The following BCAS3 variants were observed in gnomAD, a reference collection of about 807,000 sequenced individuals.
The protein encoded by BCAS3 is BCAS4/BCAS3 fusion.
Under a neutral mutation model 116.1 loss-of-function variants are expected in BCAS3, and 53 were observed. That is an observed-to-expected ratio of 0.46 (90% CI 0.37 to 0.57). BCAS3 has a LOEUF of 0.57. Among genes scored for constraint, BCAS3 ranks in the 20% least tolerant of loss-of-function variants. BCAS3 has a pLI of 0.00. For synonymous variants in BCAS3, 391 were observed against 408.2 expected, an observed-to-expected ratio of 0.96 and a Z score of 0.51; for missense variants, 917 against 1,165.4, an observed-to-expected ratio of 0.79 and a Z score of 3.10.
chr17:60,735,818 T>A (rs921974415), intron 5 of BCAS3, among the ~76,000 whole-genome samples: 1 of 151,012 alleles, frequency 6.6e-6, no homozygotes, highest in African/African-American at 2.5e-5. Flanking sequence ...TTCTGAGGAG[T>A]TTTTTTCTTT....
rs1055373051 is a variant in BCAS3 at position 61,367,769 on chromosome 17, T to G, written c.2426-558T>G. On this transcript the variant is annotated intron_variant, in intron 22 of 23. Transcript: ENST00000407086. This position sits in a 1 kb window ranked among gnomAD's most constrained non-coding sequence, Gnocchi z 6.2. The stretch of plus-strand genomic sequence containing the variant: ...ATGGTTAAGAAAGCTTTAAAAACAT[T>G]AGGCTATATAACCCCTTCTTTAAAT... 6.6e-6 allele frequency: 1 copy of G among 152,208 alleles called. No individual in the cohort carries two copies. Among genetic ancestry groups the G allele is most frequent in the Admixed American group, 6.5e-5 (1 of 15,280 alleles). The allele number at this position is 152,208 out of a possible 1,614,324, so 9.4% of individuals were successfully genotyped here.
intron 19 of BCAS3, among the ~76,000 whole-genome samples, chr17:61,057,616 T>C (rs2069520328): frequency 6.6e-6 from 1 of 152,146 alleles, no homozygotes; most frequent in African/African-American, 2.4e-5. Flanking sequence ...CCAAGACATG[T>C]TAAAAGAGGA....
chr17:60,958,270 G>A (rs569303297), intron 14 of BCAS3, among the ~76,000 whole-genome samples: 15 of 152,296 alleles, frequency 9.8e-5, no homozygotes, highest in African/African-American at 2.4e-4. Context: ...AAGAACTACC[G>A]TCAGATCAGA....
intron 23 of BCAS3, among the ~76,000 whole-genome samples, chr17:61,375,747 A>G (rs940589414): frequency 1.6e-4 from 25 of 151,788 alleles, no homozygotes; most frequent in African/African-American, 5.8e-4. Context: ...TAATTTTTGA[A>G]TTTTTAGTAG....
intron 14 of BCAS3, among the ~76,000 whole-genome samples, chr17:60,973,017 C>T (rs540766622): frequency 1.3e-5 from 2 of 152,014 alleles, no homozygotes; most frequent in Admixed American, 6.5e-5. Flanking sequence ...TTAGAAAGGG[C>T]GTTGTTATTG....
chr17:60,774,985 T>A (rs539513475), intron 6 of BCAS3, among the ~76,000 whole-genome samples: 5 of 152,334 alleles, frequency 3.3e-5, no homozygotes, highest in Admixed American at 1.3e-4. Flanking sequence ...TTTGCCTTAG[T>A]TCCTTGTTTT....
intron 16 of BCAS3, among the ~76,000 whole-genome samples, chr17:61,018,949 C>T (rs939566994): frequency 9.2e-5 from 14 of 151,916 alleles, no homozygotes; most frequent in African/African-American, 3.4e-4. Context: ...CCTTTTTTCC[C>T]TCACCATCTA....
chr17:60,799,896 G>T lies in BCAS3; in HGVS notation c.404-8108G>T, dbSNP rs532866101. Among the ~76,000 whole-genome samples the T allele has an allele frequency of 2.6e-5, 4 of 151,620 alleles. No homozygotes were observed. In the South Asian group the frequency reaches 8.4e-4, roughly 32 times the overall value. On this transcript the variant is annotated intron_variant, in intron 6 of 23. Coordinates refer to ENST00000407086, the MANE Select transcript of BCAS3 (RefSeq NM_017679.5). The stretch of plus-strand genomic sequence containing the variant: ...GCTTTTTTACTAGTACAGTGCTCTT[G>T]AGGTATATCCAAGTTGTTTAGTCTA...
At chr17:60,831,174 TA>T (rs1247221836) in intron 7 of BCAS3, among the ~76,000 whole-genome samples, 1 of 149,564 alleles carries the variant, frequency 6.7e-6, no homozygotes, top group African/African-American at 2.5e-5. Context: ...TTGATTGAGT[TA>T]TATGTTATGT....
At chr17:60,696,782 G>T (rs1439917902) in intron 4 of BCAS3, among the ~76,000 whole-genome samples, 2 of 152,078 alleles carry the variant, frequency 1.3e-5, no homozygotes, top group East Asian at 3.9e-4. Flanking sequence ...TTACCTTTCA[G>T]GTCATTAAAG....
chr17:61,237,760 T>G (rs2144484969), intron 22 of BCAS3, among the ~76,000 whole-genome samples: 1 of 152,352 alleles, frequency 6.6e-6, no homozygotes, highest in East Asian at 1.9e-4. Context: ...GAGTCACGAT[T>G]GAAATCTGGA....
Position 61,191,178 on chromosome 17 carries a change from A to G in BCAS3, c.2425+106614A>G, listed in dbSNP as rs563930786. 5.3e-5 allele frequency among the ~76,000 whole-genome samples: 8 copies of G among 152,256 alleles called. 1 individual carries two copies. The highest frequency in any genetic ancestry group is 1.9e-4 in the African/African-American group (8 of 41,560). ...CTACTCAGAAGGCTGATGTGGGAGG[A>G]CTGCTTGAGCCCGGGAGGTTGAGAC... is the stretch of plus-strand genomic sequence containing the variant. On this transcript the variant is annotated intron_variant, in intron 22 of 23. Transcript: ENST00000407086.
In BCAS3 at chr17:61,241,847, T is replaced by G. The variant is rs1252785068; in HGVS notation, c.2426-126480T>G. ...TTGTTGAATAAATGTTAAATGTTTCTGAGAAATCTGAGAGCTTTCATAATA... is the reference window on the plus strand; with the variant it reads ...TTGTTGAATAAATGTTAAATGTTTCGGAGAAATCTGAGAGCTTTCATAATA... On this transcript the variant is annotated intron_variant, in intron 22 of 23. Transcript: ENST00000407086. This position sits in a 1 kb window ranked among gnomAD's most constrained non-coding sequence, Gnocchi z 4.6. Among the ~76,000 whole-genome samples the G allele has an allele frequency of 6.6e-6, 1 of 152,284 alleles. No homozygotes were observed. The highest frequency in any genetic ancestry group is 1.5e-5 in the Non-Finnish European group (1 of 68,052).
chr17:61,134,860 G>C lies in BCAS3; in HGVS notation c.2425+50296G>C, dbSNP rs2076534641. On this transcript the variant is annotated intron_variant, in intron 22 of 23. Coordinates refer to ENST00000407086, the MANE Select transcript of BCAS3 (RefSeq NM_017679.5). This position sits in a 1 kb window ranked among gnomAD's most constrained non-coding sequence, Gnocchi z 4.6. ...AACACGGGTTTTAAGATTTCAAATG[G>C]TTAATACTCTACTTTTCTCTTAGAT... Among the ~76,000 whole-genome samples the C allele has an allele frequency of 6.6e-6, 1 of 151,844 alleles. No individual in the cohort carries two copies. Among genetic ancestry groups the C allele is most frequent in the Non-Finnish European group, 1.5e-5 (1 of 67,960 alleles).
In BCAS3 at chr17:60,960,548, A is replaced by G. The variant is rs975248440; in HGVS notation, c.1221+13196A>G. Among the ~76,000 whole-genome samples, 1 of 152,178 alleles carries G rather than the reference A, an allele frequency of 6.6e-6. No homozygotes were observed. The highest frequency in any genetic ancestry group is 6.5e-5 in the Admixed American group (1 of 15,284). On this transcript the variant is annotated intron_variant, in intron 14 of 23. Coordinates refer to ENST00000407086, the MANE Select transcript of BCAS3 (RefSeq NM_017679.5). This position sits in a 1 kb window ranked among gnomAD's most constrained non-coding sequence, Gnocchi z 4.1. The stretch of plus-strand genomic sequence containing the variant: ...TTGTGTTTCAAGGCCAGAGTTTCCC[A>G]TCTGGCTTGAGGCACTGCCCTCCTG...
At chr17:60,813,910 A>C (rs577184381) in intron 7 of BCAS3, among the ~76,000 whole-genome samples, 1 of 152,292 alleles carries the variant, frequency 6.6e-6, no homozygotes, top group South Asian at 2.1e-4. Context: ...TGCTGGCACC[A>C]TGCTGTTTTG....
intron 7 of BCAS3, among the ~76,000 whole-genome samples, chr17:60,812,400 A>G (rs927796405): frequency 6.6e-6 from 1 of 152,218 alleles, no homozygotes; most frequent in East Asian, 1.9e-4. Context: ...CACAATTTGT[A>G]GAAGGGCACA....
intron 22 of BCAS3, among the ~76,000 whole-genome samples, chr17:61,304,320 A>G (rs192386121): frequency 5.3e-5 from 8 of 152,304 alleles, no homozygotes; most frequent in African/African-American, 1.9e-4. Context: ...AAGAAACTCA[A>G]GCTTCTTAGC....
chr17:60,805,107 TTATATAAATAACATATTTATATG>T (rs1473861908), intron 6 of BCAS3, among the ~76,000 whole-genome samples: 3 of 151,726 alleles, frequency 2.0e-5, no homozygotes, highest in Non-Finnish European at 4.4e-5. Flanking sequence ...ATAGTTATCG[TTATATAAATAACATATTTATATG>T]TATATAAATA....
Sources: allele counts gnomAD v4.1 joint callset (sites outside exome capture counted in the v4.1 genomes callset), GRCh38; gene constraint gnomAD v4.1.1; non-coding constraint Gnocchi (gnomAD v3.1); transcripts MANE v1.5; gene names NCBI Gene and HGNC (gene_info 2026-07-23, HGNC 2026-07-21).